Variants in LRRC74B observed in about 807,000 individuals in gnomAD.
The protein encoded by LRRC74B is leucine-rich repeat-containing protein 74B.
A neutral mutation model predicts 16.6 loss-of-function variants in LRRC74B; 30 were observed. The observed-to-expected ratio is 1.80, with a 90% CI of 1.35 to 2.45. The LOEUF (loss-of-function observed/expected upper bound fraction) is 2.45, where lower values mean the gene tolerates loss of function less well. Among genes scored for constraint, LRRC74B ranks in the 30% most tolerant of loss-of-function variants. The pLI, the probability that LRRC74B is intolerant of heterozygous loss-of-function variation, is 0.00. For synonymous variants in LRRC74B, 134 were observed against 86.0 expected (o/e 1.56, Z -3.09); for missense variants, 326 against 202.4 (o/e 1.61, Z -3.71).
chr22:21,049,009 C>T (rs1476301788), exon 4 of LRRC74B: 7 of 716,036 alleles, frequency 9.8e-6, no homozygotes, highest in Non-Finnish European at 1.8e-5. Context: ...TCTGTGCCGC[C>T]CTCACAGTGA....
chr22:21,058,634 A>G (rs561053589), intron 8 of LRRC74B, among the ~76,000 whole-genome samples: 5 of 152,112 alleles, frequency 3.3e-5, no homozygotes, highest in African/African-American at 9.7e-5. Context: ...TGTAGTTTCA[A>G]TTCTTCAGGT....
In LRRC74B at chr22:21,049,151, C is replaced by T. The variant is rs755869855; in HGVS notation, c.616C>T (p.Gln206Ter). 2.1e-5 allele frequency: 15 copies of T among 716,204 alleles called. No individual in the cohort carries two copies. The highest frequency in any genetic ancestry group is 2.1e-4 in the South Asian group (14 of 67,526). 44.4% of individuals were successfully genotyped at this position (716,204 alleles called of 1,614,324 possible). A position where few individuals can be genotyped will look rare whatever the true frequency, so the allele number is the denominator to read the frequency against. Residue 206 changes from glutamine to a stop codon, truncating the protein, a stop_gained, in exon 4 of 9, where the codon CAA becomes TAA. Transcript: ENST00000442047. LOFTEE classifies it high-confidence loss of function. ...CCTGAGCTACAACCAGCTGAATGAC[C>T]AAGCAGGTAACGCCTGCGCAGGGCA...
intron 6 of LRRC74B, 27 bp downstream of exon 6, chr22:21,053,502 G>A (rs1237410156): frequency 2.8e-6 from 2 of 713,188 alleles, no homozygotes; most frequent in Non-Finnish European, 2.6e-6. Flanking sequence ...GGACACCCCA[G>A]GAATCATGGG....
At chr22:21,053,690 C>T (rs2148153563) in intron 6 of LRRC74B, 1 of 393,136 alleles carries the variant, frequency 2.5e-6, no homozygotes, top group Middle Eastern at 6.6e-4. Flanking sequence ...GTGCTGTGAT[C>T]ATGGCCCACT....
intron 7 of LRRC74B, among the ~76,000 whole-genome samples, chr22:21,056,208 C>G (rs1382222445): frequency 1.3e-5 from 2 of 152,190 alleles, no homozygotes; most frequent in African/African-American, 4.8e-5. Flanking sequence ...TTGAGTGCAT[C>G]ATGTCATGCG....
chr22:21,059,214 C>G (rs1226729842), intron 8 of LRRC74B, among the ~76,000 whole-genome samples: 1 of 152,188 alleles, frequency 6.6e-6, no homozygotes, highest in African/African-American at 2.4e-5. Flanking sequence ...ATGGTGAAAC[C>G]CTGTCTCTAC....
At chr22:21,049,205 G>A in intron 4 of LRRC74B, 48 bp downstream of exon 4, 1 of 682,414 alleles carries the variant, frequency 1.5e-6, no homozygotes, top group South Asian at 1.6e-5. Context: ...AGCTTCCTGG[G>A]GCAGGGATGG....
At chr22:21,057,699 T>C (rs1930615395) in intron 8 of LRRC74B, among the ~76,000 whole-genome samples, 1 of 140,522 alleles carries the variant, frequency 7.1e-6, no homozygotes, top group South Asian at 2.5e-4. Context: ...CTCACTGCAG[T>C]CTCAAATTCC....
chr22:21,050,710 G>A (rs996293350), intron 4 of LRRC74B, among the ~76,000 whole-genome samples: 25 of 150,804 alleles, frequency 1.7e-4, no homozygotes, highest in African/African-American at 5.9e-4. Context: ...CCCAGGAGGC[G>A]GAGCTTGCAG....
At chr22:21,049,007 G>T in exon 4 of LRRC74B, 1 of 715,852 alleles carries the variant, frequency 1.4e-6, no homozygotes. Flanking sequence ...CCTCTGTGCC[G>T]CCCTCACAGT....
Position 21,055,079 on chromosome 22 carries a change from C to T in LRRC74B, c.849-19C>T. On this transcript the variant is annotated intron_variant, in intron 6 of 8. Coordinates refer to ENST00000442047, the Ensembl canonical transcript of LRRC74B. ...CTTGGAAGGTTGCACAATGCATGTG[C>T]CTGTTGTTTTTGTTGCAGTAACAAC... The T allele has an allele frequency of 1.4e-6, 1 of 716,500 alleles. No homozygotes were observed. The highest frequency in any genetic ancestry group is 2.6e-6 in the Non-Finnish European group (1 of 385,002). 44.4% of individuals were successfully genotyped at this position (716,500 alleles called of 1,614,324 possible).
At chr22:21,061,141 A>G (rs1225572425), downstream of LRRC74B, among the ~76,000 whole-genome samples, 1 of 152,136 alleles carries the variant, frequency 6.6e-6, no homozygotes, top group Non-Finnish European at 1.5e-5. Context: ...CAGCTTGACA[A>G]ACATGGTGAA....
chr22:21,060,477 G>C (rs1257425854), exon 9 of LRRC74B: 1 of 716,632 alleles, frequency 1.4e-6, no homozygotes, highest in Admixed American at 2.0e-5. Context: ...AGTATAAAAA[G>C]GAGTTGCTGC....
intron 8 of LRRC74B, among the ~76,000 whole-genome samples, chr22:21,059,260 C>T (rs1188677798): frequency 6.6e-6 from 1 of 152,210 alleles, no homozygotes; most frequent in African/African-American, 2.4e-5. Context: ...TAGTGGTATG[C>T]ACTTGTAATC....
chr22:21,051,253 C>A (rs76723627), intron 4 of LRRC74B, among the ~76,000 whole-genome samples: 6,045 of 152,260 alleles, frequency 0.04, 387 homozygotes, highest in African/African-American at 0.14. Context: ...GGCTCTTCTG[C>A]AGGCGCTTTC....
chr22:21,048,945 C>T lies in LRRC74B; in HGVS notation c.416-6C>T. ...CCACTGGCCGAGGAGTGGTTCTGTC[C>T]CCCAGATGTGGACCTGTCGGAGAAC... is the stretch of plus-strand genomic sequence containing the variant. On this transcript the variant is annotated splice_region_variant and splice_polypyrimidine_tract_variant and intron_variant, in intron 3 of 8. Transcript: ENST00000442047. The T allele has an allele frequency of 1.4e-6, 1 of 715,976 alleles. No individual in the cohort carries two copies. 44.4% of individuals were successfully genotyped at this position (715,976 alleles called of 1,614,324 possible). A position where few individuals can be genotyped will look rare whatever the true frequency, so the allele number is the denominator to read the frequency against.
intron 8 of LRRC74B, 29 bp from the exon 9 acceptor site, chr22:21,060,344 G>A: frequency 1.5e-6 from 1 of 649,898 alleles, no homozygotes; most frequent in Non-Finnish European, 2.8e-6. Context: ...TAGTAACAAA[G>A]TTCATCCTTG....
At chr22:21,058,010 T>C (rs536598121) in intron 8 of LRRC74B, among the ~76,000 whole-genome samples, 4 of 151,474 alleles carry the variant, frequency 2.6e-5, no homozygotes, top group African/African-American at 9.7e-5. Flanking sequence ...CTCAGCCTCC[T>C]GAGTAGCCAG....
At chr22:21,055,561 C>T (rs557663199) in intron 7 of LRRC74B, among the ~76,000 whole-genome samples, 57 of 152,266 alleles carry the variant, frequency 3.7e-4, no homozygotes, top group African/African-American at 1.1e-3. Flanking sequence ...AGCTGGGGTT[C>T]CTTCCCCTGG....
Sources: allele counts gnomAD v4.1 joint callset (sites outside exome capture counted in the v4.1 genomes callset), GRCh38; gene constraint gnomAD v4.1.1; transcripts MANE v1.5; gene names NCBI Gene and HGNC (gene_info 2026-07-23, HGNC 2026-07-21).